PGM3: variants seen among roughly 807,000 people sequenced by gnomAD.
PGM3 encodes phosphoacetylglucosamine mutase.
In PGM3, 40 loss-of-function variants were observed where a neutral mutation model predicts 66.2. The observed-to-expected ratio is 0.60, with a 90% CI of 0.47 to 0.79. PGM3 has a LOEUF of 0.79. Ranked by LOEUF, PGM3 falls within the 30% of genes least tolerant of loss-of-function variation. The pLI is 0.00. For synonymous variants in PGM3, 191 were observed against 224.2 expected (o/e 0.85, Z 1.32); for missense variants, 537 against 643.4 (o/e 0.83, Z 1.79).
At chr6:83,192,341 T>C (rs1789189703) in intron 1 of PGM3, among the ~76,000 whole-genome samples, 1 of 152,248 alleles carries the variant, frequency 6.6e-6, no homozygotes, top group African/African-American at 2.4e-5. Flanking sequence ...TAAGTGGAAC[T>C]TGGGGTTTCC....
intron 3 of PGM3, among the ~76,000 whole-genome samples, chr6:83,188,304 A>G (rs1326955401): frequency 6.6e-6 from 1 of 151,944 alleles, no homozygotes; most frequent in Non-Finnish European, 1.5e-5. Context: ...TCTGTAGGGA[A>G]AAAAAAATAA....
Position 83,168,381 on chromosome 6 carries a change from G to C in PGM3, c.*853C>G. The C allele has an allele frequency of 7.4e-7, 1 of 1,360,508 alleles. No individual in the cohort carries two copies. The highest frequency in any genetic ancestry group is 1.7e-5 in the South Asian group (1 of 59,512). 84.3% of individuals were successfully genotyped at this position (1,360,508 alleles called of 1,614,324 possible). A position where few individuals can be genotyped will look rare whatever the true frequency, so the allele number is the denominator to read the frequency against. On this transcript the variant is annotated 3_prime_UTR_variant, in exon 13 of 13. Transcript: ENST00000513973. ...CTCATACTGATTATGGTGCCTAAGA[G>C]AGCTATATATATACACATGTAAAGT...
downstream of PGM3, among the ~76,000 whole-genome samples, chr6:83,157,017 G>C (rs1336058975): frequency 1.1e-4 from 16 of 152,054 alleles, no homozygotes; most frequent in South Asian, 1.9e-3. Flanking sequence ...TTGTTTAATT[G>C]GAGTTCTCTT....
chr6:83,188,769 A>G lies in PGM3; in HGVS notation c.234T>C (p.Pro78=). ...AGGATGGTGCCAACATTTCACCCAAAGGATCAACCAATTTTACACCATTGT... is the reference window on the plus strand; with the variant it reads ...AGGATGGTGCCAACATTTCACCCAAGGGATCAACCAATTTTACACCATTGT... ...EEDNGVKLVD[P]LGEMLAPSWE... is the part of the protein sequence containing the mutation. The change falls in exon 3 of 13, where the codon CCT becomes CCC. Residue 78 remains proline (P), a synonymous_variant. Transcript: ENST00000513973. The G allele has an allele frequency of 6.2e-7, 1 of 1,614,088 alleles. No individual in the cohort carries two copies. Among genetic ancestry groups the G allele is most frequent in the Non-Finnish European group, 8.5e-7 (1 of 1,179,976 alleles).
chr6:83,168,662 A>G lies in PGM3; in HGVS notation c.*572T>C, dbSNP rs949482181. 2 of 995,268 alleles carry G rather than the reference A, an allele frequency of 2.0e-6. No homozygotes were observed. The highest frequency in any genetic ancestry group is 1.7e-5 in the African/African-American group (1 of 57,306). 61.7% of individuals were successfully genotyped at this position (995,268 alleles called of 1,614,324 possible). ...ACTGAAGGCTGGACCATGCATCCTT[A>G]AAAGTATTGCATGAGCATCTCCACC... On this transcript the variant is annotated 3_prime_UTR_variant, in exon 13 of 13. Coordinates refer to ENST00000513973, the MANE Select transcript of PGM3 (RefSeq NM_015599.3).
At chr6:83,150,304 C>G in the PGM3 span, among the ~76,000 whole-genome samples, 1 of 152,152 alleles carries the variant, frequency 6.6e-6, no homozygotes, top group Non-Finnish European at 1.5e-5. Context: ...AATGTATGTA[C>G]AGGTGTTGGA....
At position 83,188,557 on chromosome 6, in the gene PGM3, A is replaced by G. The variant is rs1562430508; in HGVS notation, c.389+57T>C. The stretch of plus-strand genomic sequence containing the variant: ...TTTGTCTTGGATTAAAACTGATACA[A>G]TCGTTTATATCACGTTCCCAAAGGT... On this transcript the variant is annotated intron_variant, in intron 3 of 12. Coordinates refer to ENST00000513973, the MANE Select transcript of PGM3 (RefSeq NM_015599.3). The G allele has an allele frequency of 4.5e-6, 6 of 1,328,718 alleles. No individual in the cohort carries two copies. In the South Asian group the frequency reaches 5.0e-5, roughly 11 times the overall value. 82.3% of individuals were successfully genotyped at this position (1,328,718 alleles called of 1,614,324 possible). A position where few individuals can be genotyped will look rare whatever the true frequency, so the allele number is the denominator to read the frequency against.
chr6:83,161,489 G>T (rs1020194730), downstream of PGM3, among the ~76,000 whole-genome samples: 2 of 152,082 alleles, frequency 1.3e-5, no homozygotes, highest in African/African-American at 4.8e-5. Flanking sequence ...ATTGGTAAAA[G>T]ATATTTTCGA....
intron 2 of PGM3, among the ~76,000 whole-genome samples, chr6:83,189,136 G>A (rs1788844589): frequency 6.6e-6 from 1 of 152,038 alleles, no homozygotes; most frequent in Non-Finnish European, 1.5e-5. Context: ...TATCTTACTC[G>A]CCTAAAAACA....
chr6:83,182,863 A>C lies in PGM3; in HGVS notation c.573T>G (p.Phe191Leu). ...TTTTCACCTGTTTGGTGAGTTCCAC[A>C]AAAGCCTTAGAGAGTTTCTGGTAGT... The part of the protein sequence containing the change: ...EGYYQKLSKA[F>L]VELTKQASCS... The change falls in exon 5 of 13, where the codon TTT becomes TTG. Residue 191 changes from phenylalanine to leucine, a missense_variant. Phe to Leu is a conservative substitution (Grantham distance 22). Coordinates refer to ENST00000513973, the MANE Select transcript of PGM3 (RefSeq NM_015599.3). 1 of 1,613,942 alleles carries C rather than the reference A, an allele frequency of 6.2e-7. No homozygotes were observed.
chr6:83,188,676 G>A lies in PGM3; in HGVS notation c.327C>T (p.Ile109=). The A allele has an allele frequency of 6.2e-7, 1 of 1,613,776 alleles. No homozygotes were observed. Among genetic ancestry groups the A allele is most frequent in the Non-Finnish European group, 8.5e-7 (1 of 1,179,792 alleles). ...EQDMQRVLID[I]SEKEAVNLQQ... ...GCAGATTCACAGCTTCTTTCTCGCT[G>A]ATGTCAATAAGCACTCTCTGCATAT... Residue 109 remains isoleucine (I), a synonymous_variant, in exon 3 of 13, where the codon ATC becomes ATT. Transcript: ENST00000513973.
At chr6:83,156,854 G>A (rs1018587121), downstream of PGM3, among the ~76,000 whole-genome samples, 4 of 151,808 alleles carry the variant, frequency 2.6e-5, no homozygotes, top group African/African-American at 9.7e-5. Context: ...AAGTTGACTA[G>A]ATCAGTGCTA....
chr6:83,151,385 A>T, the PGM3 span, among the ~76,000 whole-genome samples: 3 of 152,146 alleles, frequency 2.0e-5, no homozygotes, highest in African/African-American at 7.2e-5. Flanking sequence ...TGGGGCTCTT[A>T]CAAAAGATGC....
At chr6:83,156,448 A>G (rs57148700), downstream of PGM3, among the ~76,000 whole-genome samples, 1,839 of 152,356 alleles carry the variant, frequency 0.012, 24 homozygotes, top group African/African-American at 0.037. Flanking sequence ...AGACCAAAAT[A>G]TAAGGCAAAG....
intron 6 of PGM3, 64 bp downstream of exon 6, chr6:83,181,672 T>G: frequency 8.9e-7 from 1 of 1,123,974 alleles, no homozygotes; most frequent in Middle Eastern, 2.1e-4. Context: ...CCACCTTAGT[T>G]TATAAGTGAG....
At chr6:83,158,112 C>A (rs557653232), downstream of PGM3, among the ~76,000 whole-genome samples, 120 of 152,168 alleles carry the variant, frequency 7.9e-4, no homozygotes, top group African/African-American at 2.7e-3. Context: ...CATTCTCCTG[C>A]CTCAGCCTCC....
chr6:83,169,680 T>C (rs1469599440), intron 12 of PGM3: 5 of 463,222 alleles, frequency 1.1e-5, no homozygotes, highest in Admixed American at 7.0e-5. Flanking sequence ...TGGATATTCA[T>C]TAGACTCTGA....
chr6:83,179,733 T>C, intron 7 of PGM3, 77 bp downstream of exon 7: 2 of 1,180,208 alleles, frequency 1.7e-6, no homozygotes, highest in Non-Finnish European at 2.4e-6. Flanking sequence ...TGTGCCCTTC[T>C]GACAAATGAT....
At chr6:83,187,100 A>G (rs746924419) in intron 3 of PGM3, 25 bp from the exon 4 acceptor site, 8 of 1,453,738 alleles carry the variant, frequency 5.5e-6, no homozygotes, top group Non-Finnish European at 7.7e-6. Context: ...GAAGAAAATA[A>G]TATATCCCAT....
Sources: gnomAD v4.1 joint callset for allele counts (sites outside exome capture counted in the v4.1 genomes callset) on GRCh38, gnomAD v4.1.1 for gene constraint, MANE v1.5 for transcripts, NCBI Gene and HGNC (gene_info 2026-07-23, HGNC 2026-07-21) for gene names.